Variants in DYM observed in about 807,000 individuals in gnomAD.
The protein encoded by DYM is dymeclin, also known as dyggve-Melchior-Clausen syndrome protein.
Under a neutral mutation model 93.1 loss-of-function variants are expected in DYM, and 78 were observed. The ratio of observed to expected loss-of-function variants is 0.84; its 90% CI spans 0.70 to 1.01. DYM has a LOEUF of 1.01. DYM is among the 50% of genes least tolerant of loss of function. The pLI is 0.00. For synonymous variants in DYM, 321 were observed against 319.7 expected (o/e 1.00, Z -0.04); for missense variants, 789 against 845.0 (o/e 0.93, Z 0.82).
chr18:49,321,100 G>C (rs910728064), intron 8 of DYM: 77 of 320,090 alleles, frequency 2.4e-4, no homozygotes, highest in Non-Finnish European at 6.7e-5. Flanking sequence ...ATTTTTCAAA[G>C]AATAAGATTT....
At chr18:49,442,930 T>G (rs2081776979) in intron 1 of DYM, among the ~76,000 whole-genome samples, 1 of 151,678 alleles carries the variant, frequency 6.6e-6, no homozygotes, top group Non-Finnish European at 1.5e-5. Context: ...TAATCTCAGC[T>G]CACTGCAACC....
At chr18:49,276,413 G>T (rs947063734) in intron 10 of DYM, among the ~76,000 whole-genome samples, 5 of 151,784 alleles carry the variant, frequency 3.3e-5, no homozygotes, top group Admixed American at 3.3e-4. Context: ...ACATTTCTGG[G>T]ATAAATCCCA....
At chr18:49,257,877 T>C (rs2094420038) in intron 12 of DYM, among the ~76,000 whole-genome samples, 1 of 151,984 alleles carries the variant, frequency 6.6e-6, no homozygotes, top group South Asian at 2.1e-4. Flanking sequence ...AAAAATGCCA[T>C]TTCTCTTAGC....
chr18:49,285,291 G>T (rs909137072), intron 9 of DYM, among the ~76,000 whole-genome samples: 1 of 152,222 alleles, frequency 6.6e-6, no homozygotes, highest in South Asian at 2.1e-4. Flanking sequence ...TAAGAAATGT[G>T]TATCAGAATA....
chr18:49,279,914 T>C (rs1273190623), intron 10 of DYM, among the ~76,000 whole-genome samples: 1 of 152,242 alleles, frequency 6.6e-6, no homozygotes, highest in Admixed American at 6.5e-5. Flanking sequence ...TGAATTCTAG[T>C]ATTCCATGTT....
At chr18:49,306,667 G>A (rs763109777) in intron 8 of DYM, among the ~76,000 whole-genome samples, 1 of 152,152 alleles carries the variant, frequency 6.6e-6, no homozygotes, top group Non-Finnish European at 1.5e-5. Flanking sequence ...TATGAAACCT[G>A]AGCATGTGGT....
chr18:49,231,154 T>C (rs2093682700), intron 13 of DYM, among the ~76,000 whole-genome samples: 1 of 152,222 alleles, frequency 6.6e-6, no homozygotes, highest in Non-Finnish European at 1.5e-5. Flanking sequence ...AAGGGTTTTC[T>C]AATTTTCAAC....
At chr18:49,046,334 TAC>T (rs1414077064) in intron 17 of DYM, among the ~76,000 whole-genome samples, 1 of 119,024 alleles carries the variant, frequency 8.4e-6, no homozygotes, top group Non-Finnish European at 1.8e-5. Flanking sequence ...ACACACACAA[TAC>T]ACACACACCC....
At chr18:49,328,160 G>A (rs1026236946) in intron 8 of DYM, among the ~76,000 whole-genome samples, 4 of 152,156 alleles carry the variant, frequency 2.6e-5, no homozygotes, top group East Asian at 1.9e-4. Context: ...TGCTCAAAAC[G>A]TGGCACTGTA....
At chr18:49,145,112 T>TAC in intron 15 of DYM, among the ~76,000 whole-genome samples, 1 of 84,510 alleles carries the variant, frequency 1.2e-5, no homozygotes, top group African/African-American at 4.9e-5. Flanking sequence ...AAAATTCATA[T>TAC]ATATATATAT....
intron 14 of DYM, among the ~76,000 whole-genome samples, chr18:49,189,189 C>G (rs1222446156): frequency 6.6e-6 from 1 of 152,178 alleles, no homozygotes; most frequent in Non-Finnish European, 1.5e-5. Context: ...GGCTGAAAAA[C>G]TTCCTATCAG....
chr18:49,110,606 T>G (rs1223919546), intron 16 of DYM, among the ~76,000 whole-genome samples: 1 of 152,178 alleles, frequency 6.6e-6, no homozygotes, highest in Non-Finnish European at 1.5e-5. Flanking sequence ...AATGTTTCTT[T>G]TTTCTCTGGC....
At chr18:49,069,808 C>T (rs1328338272) in intron 17 of DYM, among the ~76,000 whole-genome samples, 1 of 152,098 alleles carries the variant, frequency 6.6e-6, no homozygotes. Context: ...TTTGGGAGGC[C>T]AAGGCAGGTG....
chr18:49,255,884 T>C (rs909999981), intron 13 of DYM, among the ~76,000 whole-genome samples: 3 of 151,452 alleles, frequency 2.0e-5, no homozygotes, highest in Admixed American at 2.0e-4. Context: ...TCCTTCAAAG[T>C]CATGTCTTTA....
At chr18:49,343,732 C>T (rs2064343334) in intron 6 of DYM, among the ~76,000 whole-genome samples, 1 of 152,092 alleles carries the variant, frequency 6.6e-6, no homozygotes, top group South Asian at 2.1e-4. Context: ...AAAAATACAT[C>T]CATTCGTGTA....
chr18:49,455,817 C>T (rs1240850074), intron 1 of DYM, among the ~76,000 whole-genome samples: 5 of 151,950 alleles, frequency 3.3e-5, no homozygotes, highest in African/African-American at 9.7e-5. Flanking sequence ...GGCATGGTGG[C>T]GCATGCCTGT....
intron 14 of DYM, among the ~76,000 whole-genome samples, chr18:49,179,099 T>A (rs941716472): frequency 6.6e-6 from 1 of 152,122 alleles, no homozygotes; most frequent in Non-Finnish European, 1.5e-5. Context: ...AGGTGACAAC[T>A]AGACCACAGT....
chr18:49,261,992 G>A (rs928151715), intron 11 of DYM, among the ~76,000 whole-genome samples: 6 of 152,178 alleles, frequency 3.9e-5, no homozygotes, highest in African/African-American at 1.4e-4. Context: ...CATACATAAT[G>A]TATTAGAATG....
At chr18:49,188,698 G>C (rs1162242486) in intron 14 of DYM, among the ~76,000 whole-genome samples, 1 of 152,126 alleles carries the variant, frequency 6.6e-6, no homozygotes, top group Middle Eastern at 3.2e-3. Context: ...GTGGCGTGGG[G>C]GGAAGGGGGA....
Sources: gnomAD v4.1 joint callset for allele counts (sites outside exome capture counted in the v4.1 genomes callset) on GRCh38, gnomAD v4.1.1 for gene constraint, MANE v1.5 for transcripts, NCBI Gene and HGNC (gene_info 2026-07-23, HGNC 2026-07-21) for gene names.